CACNA1E: variants seen among roughly 807,000 people sequenced by gnomAD.
CACNA1E encodes voltage-dependent R-type calcium channel subunit alpha-1E.
A neutral mutation model predicts 259.2 loss-of-function variants in CACNA1E; 40 were observed. That is an observed-to-expected ratio of 0.15 (90% CI 0.12 to 0.20). The LOEUF (loss-of-function observed/expected upper bound fraction) is 0.20, where lower values mean the gene tolerates loss of function less well. Among genes scored for constraint, CACNA1E ranks in the 10% least tolerant of loss-of-function variants. The pLI, the probability that CACNA1E is intolerant of heterozygous loss-of-function variation, is 1.00. For missense variants in CACNA1E, 1,874 were observed against 3,040.1 expected (o/e 0.62, Z 9.02); for synonymous variants, 1,104 against 1,138.5 (o/e 0.97, Z 0.61).
At chr1:181,478,951 T>G (rs1175120999), upstream of CACNA1E, among the ~76,000 whole-genome samples, 1 of 152,216 alleles carries the variant, frequency 6.6e-6, no homozygotes, top group African/African-American at 2.4e-5. Flanking sequence ...CACACCTGAT[T>G]GCAGCTCGAT....
intron 1 of CACNA1E, among the ~76,000 whole-genome samples, chr1:181,340,191 C>A (rs1016577627): frequency 6.6e-6 from 1 of 151,702 alleles, no homozygotes; most frequent in Non-Finnish European, 1.5e-5. Flanking sequence ...ACTCACTTGT[C>A]CCAATACTAT....
intron 7 of CACNA1E, among the ~76,000 whole-genome samples, chr1:181,698,729 GTTT>G (rs1651951061): frequency 6.6e-6 from 1 of 151,764 alleles, no homozygotes; most frequent in Middle Eastern, 3.2e-3. Context: ...ACCAGCTTTT[GTTT>G]CATTTATCTC....
At chr1:181,636,541 G>C (rs80280348) in intron 6 of CACNA1E, among the ~76,000 whole-genome samples, 4 of 152,160 alleles carry the variant, frequency 2.6e-5, no homozygotes, top group Non-Finnish European at 5.9e-5. Flanking sequence ...AATGGATGGG[G>C]GCTGGACCTC....
At position 181,803,219 on chromosome 1, in the gene CACNA1E, G is replaced by C. The variant is rs1375294705; in HGVS notation, c.*4385G>C. ...CAGAGCAATGGGCACCGTCCAGGAGGTACAGGAGAGGACTTTATGATGCAG... is the reference window on the plus strand; with the variant it reads ...CAGAGCAATGGGCACCGTCCAGGAGCTACAGGAGAGGACTTTATGATGCAG... On this transcript the variant is annotated 3_prime_UTR_variant, in exon 48 of 48. Coordinates refer to ENST00000367573, the MANE Select transcript of CACNA1E (RefSeq NM_001205293.3). 6.6e-6 allele frequency: 1 copy of C among 152,098 alleles called. No individual in the cohort carries two copies. Among genetic ancestry groups the C allele is most frequent in the African/African-American group, 2.4e-5 (1 of 41,368 alleles). 9.4% of individuals were successfully genotyped at this position (152,098 alleles called of 1,614,324 possible).
At chr1:181,417,847 T>C (rs1658396462) in intron 2 of CACNA1E, among the ~76,000 whole-genome samples, 1 of 152,216 alleles carries the variant, frequency 6.6e-6, no homozygotes, top group Non-Finnish European at 1.5e-5. Flanking sequence ...GCCTGCTGCA[T>C]CTGGTCCCTG....
At position 181,382,800 on chromosome 1, in the gene CACNA1E, A is replaced by T. The variant is rs192031738; in HGVS notation, c.-14-30333A>T. Among the ~76,000 whole-genome samples the T allele has an allele frequency of 2.4e-4, 37 of 152,266 alleles. 1 individual carries two copies. Among genetic ancestry groups the T allele is most frequent in the Admixed American group, 5.2e-4 (8 of 15,304 alleles). ...CTTGACCCAACCTTTAGCTCAGCCC[A>T]TTGCTCAGGTGCTCTGCTCCAGCTG... On this transcript the variant is annotated intron_variant, in intron 1 of 11. Transcript: ENST00000524607.
intron 6 of CACNA1E, among the ~76,000 whole-genome samples, chr1:181,583,267 A>G (rs1019254007): frequency 6.6e-6 from 1 of 152,190 alleles, no homozygotes; most frequent in African/African-American, 2.4e-5. Flanking sequence ...CTCACTAAGC[A>G]TCACCACAAC....
intron 6 of CACNA1E, among the ~76,000 whole-genome samples, chr1:181,581,192 A>G (rs1327273042): frequency 6.6e-6 from 1 of 152,118 alleles, no homozygotes; most frequent in Non-Finnish European, 1.5e-5. Context: ...GAATTTACTA[A>G]AAAAGAACAA....
chr1:181,544,400 TAAAA>T (rs5779107), intron 3 of CACNA1E, among the ~76,000 whole-genome samples: 18 of 148,600 alleles, frequency 1.2e-4, no homozygotes, highest in Non-Finnish European at 7.5e-5. Context: ...CTGAATATAC[TAAAA>T]AAAAAAACCC....
At chr1:181,496,646 A>G (rs570654270) in intron 1 of CACNA1E, among the ~76,000 whole-genome samples, 1 of 152,278 alleles carries the variant, frequency 6.6e-6, no homozygotes, top group East Asian at 1.9e-4. Context: ...AAATTTGCCT[A>G]ATGAGCTTGG....
At position 181,802,352 on chromosome 1, in the gene CACNA1E, T is replaced by G. The variant is rs1362094526; in HGVS notation, c.*3518T>G. ...AGTCCAAATGTTCTAGATTTTGACC[T>G]CTCTTGACTCTGGGGCCACAAAGAG... On this transcript the variant is annotated 3_prime_UTR_variant, in exon 48 of 48. Coordinates refer to ENST00000367573, the MANE Select transcript of CACNA1E (RefSeq NM_001205293.3). 1 of 152,176 alleles carries G rather than the reference T, an allele frequency of 6.6e-6. No individual in the cohort carries two copies. Among genetic ancestry groups the G allele is most frequent in the Non-Finnish European group, 1.5e-5 (1 of 68,056 alleles). 9.4% of individuals were successfully genotyped at this position (152,176 alleles called of 1,614,324 possible).
chr1:181,774,432 A>G (rs996349582), intron 37 of CACNA1E, among the ~76,000 whole-genome samples: 2 of 152,222 alleles, frequency 1.3e-5, no homozygotes, highest in African/African-American at 4.8e-5. Flanking sequence ...AGAAATCTCC[A>G]GATAACAGTG....
intron 6 of CACNA1E, among the ~76,000 whole-genome samples, chr1:181,607,550 G>A (rs558246819): frequency 4.6e-5 from 7 of 152,230 alleles, no homozygotes; most frequent in South Asian, 4.2e-4. Context: ...AGAGCTGGGC[G>A]TTCCTGGCCA....
intron 3 of CACNA1E, among the ~76,000 whole-genome samples, chr1:181,550,567 C>A (rs564002901): frequency 1.6e-4 from 24 of 151,362 alleles, no homozygotes; most frequent in Non-Finnish European, 2.8e-4. Flanking sequence ...GGGGTGGGGG[C>A]AGATTGGTTG....
chr1:181,544,540 G>A (rs1288779857), intron 3 of CACNA1E, among the ~76,000 whole-genome samples: 3 of 152,224 alleles, frequency 2.0e-5, no homozygotes, highest in Non-Finnish European at 4.4e-5. Flanking sequence ...TCCAATTGCA[G>A]TATACGTTTT....
At chr1:181,341,207 C>T (rs1206458901) in intron 1 of CACNA1E, among the ~76,000 whole-genome samples, 1 of 152,146 alleles carries the variant, frequency 6.6e-6, no homozygotes, top group African/African-American at 2.4e-5. Context: ...AAAGCCTTGG[C>T]CTTGCTGCTC....
chr1:181,518,095 G>A (rs541344336), intron 3 of CACNA1E, among the ~76,000 whole-genome samples: 1 of 152,274 alleles, frequency 6.6e-6, no homozygotes, highest in South Asian at 2.1e-4. Flanking sequence ...AATGGGTAGA[G>A]GGAGGAGACA....
chr1:181,367,589 A>C (rs2101942376), intron 1 of CACNA1E, among the ~76,000 whole-genome samples: 1 of 135,724 alleles, frequency 7.4e-6, no homozygotes, highest in Admixed American at 7.6e-5. Context: ...ATAATATATA[A>C]TATATAACTA....
In CACNA1E at chr1:181,580,770, G is replaced by A. The variant is rs184822223; in HGVS notation, c.945G>A (p.Leu315=). 545 of 1,613,730 alleles carry A rather than the reference G, an allele frequency of 3.4e-4. 1 individual carries two copies. The highest frequency in any genetic ancestry group is 2.7e-5 in the African/African-American group (2 of 75,072). The change falls in exon 6 of 48, where the codon CTG becomes CTA. Residue 315 remains leucine, a synonymous_variant. Coordinates refer to ENST00000367573, the MANE Select transcript of CACNA1E (RefSeq NM_001205293.3). The part of the protein sequence containing the change: ...CITMEGWTTV[L]YNTNDALGAT... ...CCATGGAAGGGTGGACCACTGTGCT[G>A]TACAATGTGAGTAGAGCTGGTGGGG... is the stretch of plus-strand genomic sequence containing the variant.
Sources: gnomAD v4.1 joint callset for allele counts (sites outside exome capture counted in the v4.1 genomes callset) on GRCh38, gnomAD v4.1.1 for gene constraint, MANE v1.5 for transcripts, NCBI Gene and HGNC (gene_info 2026-07-23, HGNC 2026-07-21) for gene names.